The following CEP162 variants were observed in gnomAD, a reference collection of about 807,000 sequenced individuals.
The protein encoded by CEP162 is centrosomal protein of 162 kDa.
A neutral mutation model predicts 169.2 loss-of-function variants in CEP162; 141 were observed. The observed-to-expected ratio is 0.83, with a 90% CI of 0.73 to 0.96. The LOEUF (loss-of-function observed/expected upper bound fraction) is 0.96, where lower values mean the gene tolerates loss of function less well. Ranked by LOEUF, CEP162 falls within the 40% of genes least tolerant of loss-of-function variation. The pLI, the probability that CEP162 is intolerant of heterozygous loss-of-function variation, is 0.00. For synonymous variants in CEP162, 540 were observed against 526.4 expected (o/e 1.03, Z -0.35); for missense variants, 1,600 against 1,587.2 (o/e 1.01, Z -0.14).
chr6:84,181,433 T>C (rs911522123), intron 13 of CEP162, among the ~76,000 whole-genome samples: 6 of 152,146 alleles, frequency 3.9e-5, no homozygotes, highest in East Asian at 1.9e-4. Context: ...ATTCAGGACA[T>C]AGGCATGGGC....
chr6:84,170,537 C>T (rs2099529707), intron 17 of CEP162, among the ~76,000 whole-genome samples: 1 of 151,884 alleles, frequency 6.6e-6, no homozygotes, highest in African/African-American at 2.4e-5. Context: ...TTCTATTTTG[C>T]CTGACAGATC....
At chr6:84,128,642 CAAAT>C (rs1047453575) in intron 25 of CEP162, among the ~76,000 whole-genome samples, 10 of 152,028 alleles carry the variant, frequency 6.6e-5, no homozygotes, top group African/African-American at 2.2e-4. Context: ...TGATGAGAAT[CAAAT>C]AAAATAAGGT....
At chr6:84,184,461 C>T (rs190600530) in intron 13 of CEP162, among the ~76,000 whole-genome samples, 1 of 152,248 alleles carries the variant, frequency 6.6e-6, no homozygotes, top group African/African-American at 2.4e-5. Context: ...TGCTTGTCCA[C>T]TTTATTGATC....
intron 2 of CEP162, among the ~76,000 whole-genome samples, chr6:84,224,535 A>T (rs1172905197): frequency 6.6e-6 from 1 of 152,236 alleles, no homozygotes; most frequent in Non-Finnish European, 1.5e-5. Context: ...TGGTATGTGA[A>T]TTATGTCTCA....
rs6901546 is a variant in CEP162 at position 84,124,535 on chromosome 6, G to C, written c.*535C>G. ...GTAGGAGCTAAACAATGGGTACACA[G>C]AGACATAAAGATGGAGATAACAGAC... On this transcript the variant is annotated 3_prime_UTR_variant, in exon 27 of 27. Transcript: ENST00000403245. 0.24 allele frequency: 38,670 copies of C among 159,960 alleles called. 10,734 individuals are homozygous for C. Among genetic ancestry groups the C allele is most frequent in the African/African-American group, 0.7 (28,975 of 41,510 alleles). 9.9% of individuals were successfully genotyped at this position (159,960 alleles called of 1,614,324 possible).
chr6:84,161,103 G>A (rs2129208997), intron 20 of CEP162, among the ~76,000 whole-genome samples, 187 bp from the exon 21 acceptor site: 1 of 152,196 alleles, frequency 6.6e-6, no homozygotes, highest in African/African-American at 2.4e-5. Context: ...CAGGAGATAT[G>A]GAGGGCAAAC....
chr6:84,158,275 A>T (rs1174139187), intron 21 of CEP162, among the ~76,000 whole-genome samples: 1 of 152,216 alleles, frequency 6.6e-6, no homozygotes, highest in Non-Finnish European at 1.5e-5. Context: ...TGTGTCAACT[A>T]ATCCCTCAGT....
At chr6:84,207,080 G>T (rs1177625920) in intron 6 of CEP162, among the ~76,000 whole-genome samples, 1 of 152,176 alleles carries the variant, frequency 6.6e-6, no homozygotes, top group African/African-American at 2.4e-5. Context: ...AACAGGTGCT[G>T]GAGAGGATGT....
At chr6:84,155,599 T>C in intron 21 of CEP162, 89 bp from the exon 22 acceptor site, 2 of 849,132 alleles carry the variant, frequency 2.4e-6, no homozygotes, top group Non-Finnish European at 3.6e-6. Flanking sequence ...GAAATCTCTG[T>C]ATACAGTAGC....
At chr6:84,129,005 T>G (rs1000488004) in intron 25 of CEP162, among the ~76,000 whole-genome samples, 1 of 152,190 alleles carries the variant, frequency 6.6e-6, no homozygotes, top group African/African-American at 2.4e-5. Flanking sequence ...TCCATGTTCC[T>G]GCAAAGGACA....
chr6:84,132,354 G>GT (rs1213035696), intron 25 of CEP162, among the ~76,000 whole-genome samples: 4 of 152,074 alleles, frequency 2.6e-5, no homozygotes, highest in Admixed American at 6.6e-5. Flanking sequence ...TATCTTTGTG[G>GT]TGTTCTCTGT....
intron 25 of CEP162, among the ~76,000 whole-genome samples, chr6:84,133,293 G>A (rs1042742621): frequency 6.6e-6 from 1 of 152,176 alleles, no homozygotes; most frequent in African/African-American, 2.4e-5. Flanking sequence ...CTCCCAGTTA[G>A]GCTACTCAAG....
intron 13 of CEP162, among the ~76,000 whole-genome samples, chr6:84,180,874 T>C (rs534024332): frequency 4.8e-4 from 73 of 152,284 alleles, no homozygotes; most frequent in African/African-American, 1.7e-3. Flanking sequence ...GAACATTCCA[T>C]GCTCATGGAT....
At chr6:84,185,836 G>C (rs145451298) in intron 12 of CEP162, among the ~76,000 whole-genome samples, 1 of 152,042 alleles carries the variant, frequency 6.6e-6, no homozygotes, top group African/African-American at 2.4e-5. Flanking sequence ...AACTGGAGAT[G>C]ACTTAAATAC....
chr6:84,186,217 T>A (rs1282629586), intron 12 of CEP162, 115 bp downstream of exon 12: 2 of 604,188 alleles, frequency 3.3e-6, no homozygotes, highest in African/African-American at 3.7e-5. Context: ...ACTGTGGAGG[T>A]TAGTATATAA....
intron 6 of CEP162, among the ~76,000 whole-genome samples, chr6:84,211,021 C>T (rs981563788): frequency 4.6e-5 from 7 of 151,738 alleles, no homozygotes; most frequent in Non-Finnish European, 5.9e-5. Flanking sequence ...TACCCAATAT[C>T]CAATAAAAAA....
chr6:84,161,840 C>CT lies in CEP162; in HGVS notation c.2581dup (p.Arg861LysfsTer7). ...CTGATTTTCAGCATACCACTGTAAT[C>CT]TTTTTTGCAGACGACTGATTTCTTG... is the stretch of plus-strand genomic sequence containing the variant. On this transcript the variant is annotated frameshift_variant, in exon 20 of 27. Coordinates refer to ENST00000403245, the MANE Select transcript of CEP162 (RefSeq NM_014895.4). LOFTEE classifies it high-confidence loss of function. 1.3e-6 allele frequency: 2 copies of CT among 1,592,558 alleles called. No homozygotes were observed. The highest frequency in any genetic ancestry group is 1.7e-6 in the Non-Finnish European group (2 of 1,166,522).
chr6:84,195,555 G>A lies in CEP162; in HGVS notation c.836-480C>T, dbSNP rs114311096. Among the ~76,000 whole-genome samples, 268 of 152,282 alleles carry A rather than the reference G, an allele frequency of 1.8e-3. 1 individual carries two copies. Among genetic ancestry groups the A allele is most frequent in the African/African-American group, 5.7e-3 (235 of 41,574 alleles). On this transcript the variant is annotated intron_variant, in intron 9 of 26. Coordinates refer to ENST00000403245, the MANE Select transcript of CEP162 (RefSeq NM_014895.4). ...CTATGATCAAAAGCAATTTCCTAAT[G>A]ACCAACTCCATTTGTATTTAGTTCT...
At position 84,175,246 on chromosome 6, in the gene CEP162, T is replaced by C; in HGVS notation, c.1765A>G (p.Thr589Ala). ...LSTRKKSENP[T>A]ETDSCIQFQT... ...AACTGAATACAGGAATCAGTTTCTGTGGGATTTTCAGACTTCTTACGAGTA... is the reference window on the plus strand; with the variant it reads ...AACTGAATACAGGAATCAGTTTCTGCGGGATTTTCAGACTTCTTACGAGTA... The change falls in exon 14 of 27, where the codon ACA becomes GCA. Residue 589 changes from threonine to alanine, a missense_variant. Coordinates refer to ENST00000403245, the MANE Select transcript of CEP162 (RefSeq NM_014895.4). 6.5e-7 allele frequency: 1 copy of C among 1,542,606 alleles called. No homozygotes were observed. Among genetic ancestry groups the C allele is most frequent in the South Asian group, 1.2e-5 (1 of 82,362 alleles).
Sources: allele counts gnomAD v4.1 joint callset (sites outside exome capture counted in the v4.1 genomes callset), GRCh38; gene constraint gnomAD v4.1.1; transcripts MANE v1.5; gene names NCBI Gene and HGNC (gene_info 2026-07-23, HGNC 2026-07-21).